ADAMTS13: variants seen among roughly 807,000 people sequenced by gnomAD.
ADAMTS13 encodes ADAM metallopeptidase with thrombospondin type 1 motif 13.
In ADAMTS13, 110 loss-of-function variants were observed where a neutral mutation model predicts 155.1. The ratio of observed to expected loss-of-function variants is 0.71; its 90% CI spans 0.61 to 0.83. ADAMTS13 has a LOEUF of 0.83. ADAMTS13 is among the 40% of genes least tolerant of loss of function. The pLI is 0.00. For synonymous variants in ADAMTS13, 758 were observed against 756.4 expected (o/e 1.00, Z -0.03); for missense variants, 1,707 against 1,891.7 (o/e 0.90, Z 1.81).
In ADAMTS13 at chr9:133,431,815, C is replaced by T. The variant is rs369770615; in HGVS notation, c.988-773C>T. ...GACTACAGGTGCCTGCCACCACACC[C>T]GGCTAATTTTTTGTATTTTTAGTAG... On this transcript the variant is annotated intron_variant, in intron 8 of 28. Transcript: ENST00000355699. Among the ~76,000 whole-genome samples the T allele has an allele frequency of 9.2e-4, 140 of 152,070 alleles. No homozygotes were observed. The South Asian group carries it at 0.028, about 31-fold the overall frequency.
At chr9:133,430,134 G>T (rs375767052) in intron 8 of ADAMTS13, 33 bp downstream of exon 8, 3 of 1,558,492 alleles carry the variant, frequency 1.9e-6, no homozygotes, top group Non-Finnish European at 2.6e-6. Context: ...GGGATTGGCT[G>T]TGAGGTCCCT....
At chr9:133,458,555 C>CAAATAAAA (rs1842888098) in intron 28 of ADAMTS13, among the ~76,000 whole-genome samples, 1 of 56,228 alleles carries the variant, frequency 1.8e-5, no homozygotes, top group Non-Finnish European at 3.0e-5. Context: ...GACTCTGTCT[C>CAAATAAAA]AAAAAAAAAA....
At chr9:133,455,941 C>T in intron 25 of ADAMTS13, 128 bp from the exon 26 acceptor site, 1 of 1,286,778 alleles carries the variant, frequency 7.8e-7, no homozygotes, top group South Asian at 1.2e-5. Flanking sequence ...GAGAAGGCTT[C>T]CAGCTGGGCC....
At chr9:133,435,578 G>A (rs1315013421) in intron 11 of ADAMTS13, among the ~76,000 whole-genome samples, 1 of 149,666 alleles carries the variant, frequency 6.7e-6, no homozygotes. Context: ...CGCCCAAGCT[G>A]GAGTGCGGTG....
chr9:133,439,533 A>G (rs782126697), intron 15 of ADAMTS13, 87 bp downstream of exon 15: 124 of 1,240,366 alleles, frequency 1.0e-4, no homozygotes, highest in Non-Finnish European at 1.4e-4. Context: ...TTCTGACATC[A>G]CCCGCAAGTT....
rs1175078925 is a variant in ADAMTS13 at position 133,454,749 on chromosome 9, G to A, written c.3249+130G>A. ...TGAAAGGAAGGAGAGAGCTGCGCCCGTTGGTGAGGGGGCACCTAGAGGCAG... is the reference window on the plus strand; with the variant it reads ...TGAAAGGAAGGAGAGAGCTGCGCCCATTGGTGAGGGGGCACCTAGAGGCAG... On this transcript the variant is annotated intron_variant, in intron 24 of 28. Transcript: ENST00000355699. 39 of 1,184,004 alleles carry A rather than the reference G, an allele frequency of 3.3e-5. No individual in the cohort carries two copies. The East Asian group carries it at 5.4e-4, about 16-fold the overall frequency. 73.3% of individuals were successfully genotyped at this position (1,184,004 alleles called of 1,614,324 possible).
At chr9:133,428,491 T>TCA (rs1840432901) in intron 6 of ADAMTS13, 143 bp from the exon 7 acceptor site, 1 of 402,192 alleles carries the variant, frequency 2.5e-6, no homozygotes, top group South Asian at 1.2e-4. Flanking sequence ...GATGGCGGCG[T>TCA]CAGGGGTCGA....
chr9:133,433,552 C>T, intron 10 of ADAMTS13, 23 bp downstream of exon 10: 1 of 1,613,714 alleles, frequency 6.2e-7, no homozygotes, highest in Middle Eastern at 1.7e-4. Flanking sequence ...GGGTGCTTTT[C>T]TGTCAGGGAG....
In ADAMTS13 at chr9:133,456,274, C is replaced by T. The variant is rs587692621; in HGVS notation, c.3547+59C>T. 7.7e-5 allele frequency: 124 copies of T among 1,610,236 alleles called. No homozygotes were observed. The African/African-American group carries it at 1.4e-3, about 18-fold the overall frequency. On this transcript the variant is annotated intron_variant, in intron 26 of 28. Coordinates refer to ENST00000355699, the MANE Select transcript of ADAMTS13 (RefSeq NM_139027.6). This position sits in a 1 kb window ranked among gnomAD's most constrained non-coding sequence, Gnocchi z 4.4. ...TTATGGGCCCTGCCAGGAGCCAGCA[C>T]GACGCTGCATGCCCCATTCCTGGCA...
chr9:133,435,529 C>CT (rs1841122347), intron 11 of ADAMTS13, among the ~76,000 whole-genome samples: 6 of 139,604 alleles, frequency 4.3e-5, no homozygotes, highest in South Asian at 2.3e-4. Flanking sequence ...TTCTTTCTTT[C>CT]TTTATTTTTT....
At chr9:133,442,368 C>T (rs1841735134) in intron 16 of ADAMTS13, 31 bp from the exon 17 acceptor site, 1 of 1,613,804 alleles carries the variant, frequency 6.2e-7, no homozygotes, top group Non-Finnish European at 8.5e-7. Context: ...AGGGAACCCA[C>T]TGGACAAGGC....
Position 133,445,621 on chromosome 9 carries a change from G to T in ADAMTS13, c.2611-78G>T, listed in dbSNP as rs1199022030. The T allele has an allele frequency of 1.2e-6, 2 of 1,608,034 alleles. No individual in the cohort carries two copies. The highest frequency in any genetic ancestry group is 1.7e-6 in the Non-Finnish European group (2 of 1,177,742). ...GCCACTTCCTGGTCTCTCTGCTGCT[G>T]CCTGAGAAGATCGAGACGGGGATCG... is the stretch of plus-strand genomic sequence containing the variant. On this transcript the variant is annotated intron_variant, in intron 20 of 28. Transcript: ENST00000355699. This position sits in a 1 kb window ranked among gnomAD's most constrained non-coding sequence, Gnocchi z 5.0.
intron 21 of ADAMTS13, among the ~76,000 whole-genome samples, chr9:133,446,704 G>A (rs1842088037): frequency 6.6e-6 from 1 of 152,204 alleles, no homozygotes; most frequent in Admixed American, 6.5e-5. Flanking sequence ...AAGTGTGGTA[G>A]CTGGGTAAGA....
At position 133,430,063 on chromosome 9, in the gene ADAMTS13, C is replaced by T. The variant is rs781911708; in HGVS notation, c.949C>T (p.Pro317Ser). The stretch of plus-strand genomic sequence containing the variant: ...CGAGCAGTGCCGCGTGGCCTTCGGC[C>T]CCAAGGCTGTCGCCTGCACCTTCGC... ...ANEQCRVAFG[P>S]KAVACTFARE... The change falls in exon 8 of 29, where the codon CCC becomes TCC. Residue 317 changes from proline to serine, a missense_variant. Physicochemically the swap from Pro to Ser is moderately conservative, Grantham distance 74. Around this residue, in one of 3 missense-constraint regions of ADAMTS13, gnomAD observed 733 missense variants for 749.6 expected, o/e 0.98. Transcript: ENST00000355699. 6.3e-7 allele frequency: 1 copy of T among 1,595,328 alleles called. No individual in the cohort carries two copies. The highest frequency in any genetic ancestry group is 2.2e-5 in the East Asian group (1 of 44,644).
rs1354092551 is a variant in ADAMTS13, at chr9:133,445,634, G to A, written c.2611-65G>A. ...CTCTCTGCTGCTGCCTGAGAAGATC[G>A]AGACGGGGATCGCTGGGTCCTCAGA... On this transcript the variant is annotated intron_variant, in intron 20 of 28. Transcript: ENST00000355699. This position sits in a 1 kb window ranked among gnomAD's most constrained non-coding sequence, Gnocchi z 5.0. 1.7e-5 allele frequency: 28 copies of A among 1,610,832 alleles called. No individual in the cohort carries two copies. In the African/African-American group the frequency reaches 1.9e-4, roughly 11 times the overall value.
upstream of ADAMTS13, among the ~76,000 whole-genome samples, chr9:133,420,662 G>C (rs587739543): frequency 6.6e-6 from 1 of 152,328 alleles, no homozygotes; most frequent in East Asian, 1.9e-4. Context: ...CCAGAGTTAA[G>C]TGAGAGTGGG....
At chr9:133,443,315 C>T in intron 18 of ADAMTS13, 61 bp from the exon 19 acceptor site, 2 of 1,544,530 alleles carry the variant, frequency 1.3e-6, no homozygotes, top group Non-Finnish European at 1.7e-6. Context: ...ACCTGCCACC[C>T]CATCACCCCA....
Position 133,459,202 on chromosome 9 carries a change from G to A in ADAMTS13, c.*22G>A, listed in dbSNP as rs377151755. The A allele has an allele frequency of 7.3e-5, 116 of 1,587,646 alleles. 1 individual carries two copies. The highest frequency in any genetic ancestry group is 5.2e-4 in the Middle Eastern group (3 of 5,788). ...CTGAGGGTCATTGAACATTTGTTCC[G>A]TGTCTGGCCAGCCCTGGAGGGTTGA... On this transcript the variant is annotated 3_prime_UTR_variant, in exon 29 of 29. Transcript: ENST00000355699.
chr9:133,420,376 G>GA (rs1157148883), upstream of ADAMTS13, among the ~76,000 whole-genome samples: 8 of 152,262 alleles, frequency 5.3e-5, no homozygotes, highest in Non-Finnish European at 7.4e-5. Flanking sequence ...TTTAAAAAAG[G>GA]AAAAAAACTT....
Sources: gnomAD v4.1 joint callset for allele counts (sites outside exome capture counted in the v4.1 genomes callset) on GRCh38, gnomAD v4.1.1 for gene constraint, gnomAD v4.1.1 regional missense constraint, Gnocchi (gnomAD v3.1) non-coding constraint, MANE v1.5 for transcripts, NCBI Gene and HGNC (gene_info 2026-07-23, HGNC 2026-07-21) for gene names.